KCNH1: variants seen among roughly 807,000 people sequenced by gnomAD.
KCNH1 encodes the protein potassium voltage-gated channel subfamily H member 1, also known as voltage-gated delayed rectifier potassium channel KCNH1.
A neutral mutation model predicts 69.2 loss-of-function variants in KCNH1; 27 were observed. The observed-to-expected ratio is 0.39, with a 90% CI of 0.29 to 0.54. The LOEUF is 0.54. KCNH1 is among the 20% of genes least tolerant of loss of function. The pLI is 0.68. For synonymous variants in KCNH1, 456 were observed against 487.7 expected, an observed-to-expected ratio of 0.93 and a Z score of 0.86; for missense variants, 798 against 1,261.6, an observed-to-expected ratio of 0.63 and a Z score of 5.57.
intron 10 of KCNH1, among the ~76,000 whole-genome samples, chr1:210,686,266 CTG>C (rs1223219440): frequency 3.9e-5 from 6 of 152,212 alleles, no homozygotes; most frequent in African/African-American, 1.4e-4. Flanking sequence ...TTGGATGCCT[CTG>C]TACACACTGT....
chr1:210,778,718 T>C (rs1683913617), intron 9 of KCNH1, among the ~76,000 whole-genome samples: 1 of 152,148 alleles, frequency 6.6e-6, no homozygotes, highest in Admixed American at 6.5e-5. Flanking sequence ...TGAGAAAATG[T>C]AGAATGTATA....
intron 7 of KCNH1, among the ~76,000 whole-genome samples, chr1:210,841,596 C>T (rs1052436050): frequency 1.3e-5 from 2 of 152,126 alleles, no homozygotes; most frequent in Admixed American, 6.6e-5. Flanking sequence ...CTTTATAGGA[C>T]TTGGGACATG....
At chr1:210,949,961 G>T (rs1401050783) in intron 6 of KCNH1, among the ~76,000 whole-genome samples, 1 of 152,220 alleles carries the variant, frequency 6.6e-6, no homozygotes, top group Non-Finnish European at 1.5e-5. Flanking sequence ...TGTGAAACCT[G>T]CTTTAATCAA....
intron 10 of KCNH1, among the ~76,000 whole-genome samples, chr1:210,773,136 G>A (rs1683783825): frequency 6.6e-6 from 1 of 152,144 alleles, no homozygotes; most frequent in Non-Finnish European, 1.5e-5. Flanking sequence ...TCAAAAAATA[G>A]CTTATAAGAG....
At chr1:210,987,345 G>A (rs1451503031) in intron 6 of KCNH1, among the ~76,000 whole-genome samples, 1 of 152,186 alleles carries the variant, frequency 6.6e-6, no homozygotes, top group Non-Finnish European at 1.5e-5. Flanking sequence ...TTTCTTTCGA[G>A]GAGGAGAGGC....
chr1:210,690,205 AAAAGCTGTCTAGAGTTGGGGTACAC>A (rs1244302113), intron 10 of KCNH1, among the ~76,000 whole-genome samples: 10 of 152,124 alleles, frequency 6.6e-5, no homozygotes, highest in African/African-American at 2.4e-4. Context: ...AGATCTGACA[AAAAGCTGTCTAGAGTTGGGGTACAC>A]AAAGCCGTCT....
chr1:210,740,731 T>TTTTTTTTTTTTTTTTTTTTTTTTTTG (rs1558449289), intron 10 of KCNH1, among the ~76,000 whole-genome samples: 1 of 119,502 alleles, frequency 8.4e-6, no homozygotes, highest in African/African-American at 3.6e-5. Flanking sequence ...TTTTTTTTTT[T>TTTTTTTTTTTTTTTTTTTTTTTTTTG]TACTAAAAGA....
At chr1:211,037,070 C>A (rs1224610447) in intron 5 of KCNH1, among the ~76,000 whole-genome samples, 3 of 152,202 alleles carry the variant, frequency 2.0e-5, no homozygotes, top group Non-Finnish European at 4.4e-5. Context: ...GGAAATCAGA[C>A]TGACTAACCT....
At chr1:210,785,393 C>T (rs1574254720) in intron 9 of KCNH1, among the ~76,000 whole-genome samples, 1 of 146,818 alleles carries the variant, frequency 6.8e-6, no homozygotes, top group African/African-American at 2.5e-5. Flanking sequence ...TGCTCTCTTA[C>T]TCTGTTTTTT....
rs144094727 is a variant in KCNH1, at chr1:210,778,885, G to A, written c.1916-3341C>T. Among the ~76,000 whole-genome samples, 40 of 152,190 alleles carry A rather than the reference G, an allele frequency of 2.6e-4. No individual in the cohort carries two copies. In the East Asian group the frequency reaches 4.6e-3, roughly 18 times the overall value. On this transcript the variant is annotated intron_variant, in intron 9 of 10. Transcript: ENST00000271751. ...TACTTTTCAAATGAATTTGGGAGTC[G>A]TTTTTCTAATTATAAAAGAAACTAT...
intron 7 of KCNH1, among the ~76,000 whole-genome samples, chr1:210,813,854 C>G (rs1684759143): frequency 1.3e-5 from 2 of 152,022 alleles, no homozygotes; most frequent in Non-Finnish European, 2.9e-5. Context: ...GTGGGTCTTT[C>G]CCACGTTGTT....
At chr1:210,931,906 A>C (rs1687687248) in intron 6 of KCNH1, among the ~76,000 whole-genome samples, 1 of 152,018 alleles carries the variant, frequency 6.6e-6, no homozygotes, top group Admixed American at 6.6e-5. Context: ...CAATTTCTGA[A>C]CTTGAGACAA....
At chr1:210,988,637 A>T (rs536569372) in intron 6 of KCNH1, among the ~76,000 whole-genome samples, 42 of 152,208 alleles carry the variant, frequency 2.8e-4, no homozygotes, top group Admixed American at 1.2e-3. Flanking sequence ...CTAATAAATG[A>T]CCATGACGAC....
chr1:211,101,122 G>A (rs1450909713), intron 3 of KCNH1, among the ~76,000 whole-genome samples: 1 of 152,174 alleles, frequency 6.6e-6, no homozygotes, highest in Admixed American at 6.5e-5. Context: ...CTAGGTTGGA[G>A]TCATGAGCCA....
At chr1:210,923,713 A>T (rs891110829) in intron 6 of KCNH1, among the ~76,000 whole-genome samples, 1 of 152,226 alleles carries the variant, frequency 6.6e-6, no homozygotes, top group Non-Finnish European at 1.5e-5. Flanking sequence ...ACTTGAACAC[A>T]TTGCCTTGCA....
chr1:211,114,618 C>A (rs941707254), intron 1 of KCNH1, among the ~76,000 whole-genome samples: 3 of 152,178 alleles, frequency 2.0e-5, no homozygotes, highest in African/African-American at 7.2e-5. Context: ...GCCAAGGTTT[C>A]TTAATTCCCC....
At chr1:210,846,216 T>C (rs571788086) in intron 7 of KCNH1, among the ~76,000 whole-genome samples, 15 of 152,214 alleles carry the variant, frequency 9.9e-5, no homozygotes, top group Non-Finnish European at 1.5e-4. Context: ...CTTCACAGAA[T>C]TGGAAAAAAC....
Position 211,112,508 on chromosome 1 carries a change from A to C in KCNH1, c.80-5131T>G, listed in dbSNP as rs530608602. Among the ~76,000 whole-genome samples the C allele has an allele frequency of 3.5e-3, 526 of 150,334 alleles. 4 individuals carry two copies. Among genetic ancestry groups the C allele is most frequent in the Non-Finnish European group, 3.7e-3 (251 of 67,542 alleles). ...TACTTTTTATTAAATAAATAAAAAA[A>C]AAAAAAAAAAAAAAACAAGCCCACT... On this transcript the variant is annotated intron_variant, in intron 1 of 10. Coordinates refer to ENST00000271751, the MANE Select transcript of KCNH1 (RefSeq NM_172362.3).
At chr1:210,976,257 C>T (rs992979658) in intron 6 of KCNH1, among the ~76,000 whole-genome samples, 2 of 151,448 alleles carry the variant, frequency 1.3e-5, no homozygotes, top group Non-Finnish European at 2.9e-5. Context: ...TGGGTACATA[C>T]CCAAAGGATT....
Sources: gnomAD v4.1 joint callset for allele counts (sites outside exome capture counted in the v4.1 genomes callset) on GRCh38, gnomAD v4.1.1 for gene constraint, MANE v1.5 for transcripts, NCBI Gene and HGNC (gene_info 2026-07-23, HGNC 2026-07-21) for gene names.